Variants in FAAH2 observed in about 807,000 individuals in gnomAD.
FAAH2 encodes fatty-acid amide hydrolase 2.
Under a neutral mutation model 36.9 loss-of-function variants are expected in FAAH2, and 60 were observed. The observed-to-expected ratio is 1.63, with a 90% CI of 1.32 to 2.02. The LOEUF (loss-of-function observed/expected upper bound fraction) is 2.02. Among genes scored for constraint, FAAH2 ranks in the 30% most tolerant of loss-of-function variants. The pLI, the probability that FAAH2 is intolerant of heterozygous loss-of-function variation, is 0.00. For synonymous variants in FAAH2, 214 were observed against 143.8 expected (o/e 1.49, Z -3.49); for missense variants, 689 against 397.5 (o/e 1.73, Z -6.23).
At chrX:57,149,490 G>T in the FAAH2 span, among the ~76,000 whole-genome samples, 1 of 111,643 alleles carries the variant, frequency 9.0e-6, no homozygotes, top group African/African-American at 3.3e-5. Context: ...TCTTGGGAGG[G>T]TGTATGTGTC....
chrX:57,295,555 C>A (rs1189508810), intron 2 of FAAH2, among the ~76,000 whole-genome samples: 8 of 112,141 alleles, frequency 7.1e-5, no homozygotes, highest in Non-Finnish European at 1.3e-4. Flanking sequence ...GTGATTTCTG[C>A]ATTTCCAACG....
the FAAH2 span, among the ~76,000 whole-genome samples, chrX:57,203,412 C>G: frequency 8.9e-6 from 1 of 111,895 alleles, no homozygotes; most frequent in Non-Finnish European, 1.9e-5. Context: ...GGTAAACACA[C>G]AACCTTCAGC....
At chrX:57,169,495 A>G in the FAAH2 span, among the ~76,000 whole-genome samples, 2 of 33,185 alleles carry the variant, frequency 6.0e-5, no homozygotes, top group Non-Finnish European at 8.5e-5. Flanking sequence ...GTCAAACACC[A>G]GTATATATAT....
chrX:57,488,643 G>C, intron 10 of FAAH2, 114 bp from the exon 11 acceptor site: 1 of 731,417 alleles, frequency 1.4e-6, no homozygotes. Context: ...GTCCTAAGTA[G>C]ATAGTAAATT....
the FAAH2 span, among the ~76,000 whole-genome samples, chrX:57,158,120 T>TA: frequency 1.8e-5 from 2 of 111,544 alleles, no homozygotes; most frequent in Non-Finnish European, 3.8e-5. Flanking sequence ...GTCCCTGCGA[T>TA]AGTTTGCTGA....
the FAAH2 span, among the ~76,000 whole-genome samples, chrX:57,264,393 A>G: frequency 2.7e-5 from 3 of 112,899 alleles, no homozygotes; most frequent in Non-Finnish European, 5.6e-5. Flanking sequence ...ACACTTTTCA[A>G]AAGAAGACGC....
rs140547639 is a variant in FAAH2 at position 57,314,684 on chromosome X, A to T, written c.412+3955A>T. ...AAAAGTGATTAATAACTCTTAGGTGAACATCAAAATTAAGGCAGAAATACA... is the reference window on the plus strand; with the variant it reads ...AAAAGTGATTAATAACTCTTAGGTGTACATCAAAATTAAGGCAGAAATACA... On this transcript the variant is annotated intron_variant, in intron 3 of 10. Coordinates refer to ENST00000374900, the MANE Select transcript of FAAH2 (RefSeq NM_174912.4). Among the ~76,000 whole-genome samples, 83 of 111,386 alleles carry T rather than the reference A, an allele frequency of 7.5e-4. No homozygotes were observed. In the East Asian group the frequency reaches 8.7e-3, roughly 12 times the overall value.
At chrX:57,188,827 T>C in the FAAH2 span, among the ~76,000 whole-genome samples, 2 of 111,491 alleles carry the variant, frequency 1.8e-5, no homozygotes, top group African/African-American at 6.5e-5. Context: ...ATTTTTTCCT[T>C]TGTTTCTACC....
chrX:57,386,737 G>A (rs1005709219), intron 7 of FAAH2, among the ~76,000 whole-genome samples: 1 of 111,694 alleles, frequency 9.0e-6, no homozygotes, highest in Non-Finnish European at 1.9e-5. Context: ...TGTATGAAAA[G>A]CCAATTTTCC....
At chrX:57,273,349 C>A in the FAAH2 span, among the ~76,000 whole-genome samples, 1 of 111,277 alleles carries the variant, frequency 9.0e-6, no homozygotes, top group East Asian at 2.8e-4. Flanking sequence ...TTAGACAGTT[C>A]GAGGAGACAG....
the FAAH2 span, among the ~76,000 whole-genome samples, chrX:57,163,058 T>G: frequency 4.4e-4 from 49 of 112,001 alleles, no homozygotes; most frequent in African/African-American, 1.6e-3. Context: ...GTCCTTTCTG[T>G]TTGTTAGTTT....
At chrX:57,155,940 C>T in the FAAH2 span, among the ~76,000 whole-genome samples, 1 of 112,043 alleles carries the variant, frequency 8.9e-6, no homozygotes, top group Non-Finnish European at 1.9e-5. Flanking sequence ...GTGATCTAGA[C>T]CTTCAGGTTA....
At chrX:57,342,950 A>G (rs983869089) in intron 5 of FAAH2, among the ~76,000 whole-genome samples, 2 of 111,805 alleles carry the variant, frequency 1.8e-5, no homozygotes, top group Non-Finnish European at 3.8e-5. Flanking sequence ...TTGCAAAGGA[A>G]TATTTTATTC....
intron 7 of FAAH2, chrX:57,395,455 G>C: frequency 9.0e-6 from 5 of 557,425 alleles, no homozygotes; most frequent in Non-Finnish European, 1.5e-5. Context: ...CCAATATCCT[G>C]TTCAGTTCTT....
chrX:57,277,239 G>A, the FAAH2 span, among the ~76,000 whole-genome samples: 2 of 111,576 alleles, frequency 1.8e-5, no homozygotes, highest in Non-Finnish European at 3.8e-5. Context: ...GATCAAGTTG[G>A]CTTCATCCCT....
At chrX:57,375,912 G>A (rs2054663537) in intron 5 of FAAH2, among the ~76,000 whole-genome samples, 1 of 111,374 alleles carries the variant, frequency 9.0e-6, no homozygotes, top group Non-Finnish European at 1.9e-5. Flanking sequence ...TTTGTGTATT[G>A]TATGAATTAA....
At chrX:57,223,562 CCACTCAGTGT>C in the FAAH2 span, among the ~76,000 whole-genome samples, 3 of 111,077 alleles carry the variant, frequency 2.7e-5, no homozygotes, top group Non-Finnish European at 5.7e-5. Flanking sequence ...GCTCTGTCTG[CCACTCAGTGT>C]CACCCCAAGG....
At chrX:57,462,232 A>C (rs986653097) in intron 10 of FAAH2, among the ~76,000 whole-genome samples, 14 of 109,801 alleles carry the variant, frequency 1.3e-4, no homozygotes, top group Non-Finnish European at 2.3e-4. Flanking sequence ...CAGAGGTACA[A>C]AGAGCAGTTG....
chrX:57,159,041 T>G, the FAAH2 span, among the ~76,000 whole-genome samples: 3 of 112,463 alleles, frequency 2.7e-5, no homozygotes, highest in Non-Finnish European at 5.6e-5. Context: ...GGGATCCAGT[T>G]TCAGCTTTCT....
Sources: gnomAD v4.1 joint callset for allele counts (sites outside exome capture counted in the v4.1 genomes callset) on GRCh38, gnomAD v4.1.1 for gene constraint, MANE v1.5 for transcripts, NCBI Gene and HGNC (gene_info 2026-07-23, HGNC 2026-07-21) for gene names.